The following TTN variants were observed in gnomAD, a reference collection of about 807,000 sequenced individuals.
The protein encoded by TTN is connectin.
TTN carries 1,525 observed loss-of-function variants against 3,223.0 expected under a neutral mutation model. The ratio of observed to expected loss-of-function variants is 0.47; its 90% CI spans 0.45 to 0.49. The LOEUF (loss-of-function observed/expected upper bound fraction) is 0.49, where lower values mean the gene tolerates loss of function less well. Ranked by LOEUF, TTN falls within the 20% of genes least tolerant of loss-of-function variation. TTN has a pLI of 0.00. For synonymous variants in TTN, 14,094 were observed against 15,161.0 expected (o/e 0.93, Z 5.17); for missense variants, 40,786 against 43,424.0 (o/e 0.94, Z 5.40).
chr2:178,648,033 C>T (rs979050597), intron 213 of TTN, among the ~76,000 whole-genome samples: 19 of 152,046 alleles, frequency 1.2e-4, no homozygotes, highest in Non-Finnish European at 2.1e-4. Flanking sequence ...CCATTTCTGC[C>T]GCCACGGATC....
chr2:178,682,347 A>G (rs771249480), intron 135 of TTN, among the ~76,000 whole-genome samples: 2 of 152,004 alleles, frequency 1.3e-5, no homozygotes, highest in Non-Finnish European at 2.9e-5. Context: ...ATGTTCAGAA[A>G]TTTTTAACCA....
chr2:178,642,296 A>C lies in TTN; in HGVS notation c.40499T>G (p.Val13500Gly). 1 of 1,594,050 alleles carries C rather than the reference A, an allele frequency of 6.3e-7. No homozygotes were observed. Among genetic ancestry groups the C allele is most frequent in the South Asian group, 1.1e-5 (1 of 87,510 alleles). The change falls in exon 219 of 363, where the codon GTT (valine) becomes GGT (glycine). Residue 13500 changes from valine (V) to glycine (G), a missense_variant. Physicochemically the swap from Val to Gly is moderately radical, Grantham distance 109. Coordinates refer to ENST00000589042, the MANE Select transcript of TTN (RefSeq NM_001267550.2). Reference protein sequence around the residue: ...PLKVPGGEKKVRKLLPERKPE... With the variant: ...PLKVPGGEKKGRKLLPERKPE... The stretch of plus-strand genomic sequence containing the variant: ...TTTACGTTCCGGAAGTAATTTGCGA[A>C]CTTTCTTTTCACCTCCAGGCACTTA...
Position 178,587,894 on chromosome 2 carries a change from C to T in TTN, c.63508+5G>A. On this transcript the variant is annotated splice_donor_5th_base_variant and intron_variant, in intron 305 of 362. Coordinates refer to ENST00000589042, the MANE Select transcript of TTN (RefSeq NM_001267550.2). ...AATGAATCACATGCTAAGGGAAGGACTTACCTAGTATTTCTTTAGGTTTGA... is the reference window on the plus strand; with the variant it reads ...AATGAATCACATGCTAAGGGAAGGATTTACCTAGTATTTCTTTAGGTTTGA... The T allele has an allele frequency of 6.3e-7, 1 of 1,584,712 alleles. No individual in the cohort carries two copies. Among genetic ancestry groups the T allele is most frequent in the Non-Finnish European group, 8.6e-7 (1 of 1,163,438 alleles).
intron 28 of TTN, 57 bp from the exon 29 acceptor site, chr2:178,775,259 C>G: frequency 6.2e-7 from 1 of 1,612,558 alleles, no homozygotes; most frequent in Non-Finnish European, 8.5e-7. Flanking sequence ...ATTAAATTCT[C>G]AACCTGAGGA....
chr2:178,573,348 G>T lies in TTN; in HGVS notation c.72784C>A (p.Arg24262Ser). Residue 24262 changes from arginine (R) to serine (S), a missense_variant, in exon 326 of 363, where the codon CGT (arginine) becomes AGT (serine). By Grantham distance (110) the Arg-to-Ser change is moderately radical. Transcript: ENST00000589042. Reference sequence around the variant, plus strand: ...ATCCAGCGTTGGCCAGCTTTATCACGCCGTTCCACAATATAATTGATGATT... The same window carrying T: ...ATCCAGCGTTGGCCAGCTTTATCACTCCGTTCCACAATATAATTGATGATT... ...SEIINYIVER[R>S]DKAGQRWIKC... The T allele has an allele frequency of 6.5e-7, 1 of 1,536,368 alleles. No homozygotes were observed. The highest frequency in any genetic ancestry group is 8.8e-7 in the Non-Finnish European group (1 of 1,142,198).
At position 178,681,021 on chromosome 2, in the gene TTN, C is replaced by T. The variant is rs1433454628; in HGVS notation, c.33340+58G>A. 3.7e-6 allele frequency: 5 copies of T among 1,350,202 alleles called. No individual in the cohort carries two copies. In the East Asian group the frequency reaches 9.5e-5, roughly 26 times the overall value. 83.6% of individuals were successfully genotyped at this position (1,350,202 alleles called of 1,614,324 possible). ...AACAAAATGAAATGAATCATAGTTA[C>T]ATTAATTTCAAAAGAGGCATCAGAA... On this transcript the variant is annotated intron_variant, in intron 138 of 362. Transcript: ENST00000589042.
At position 178,571,191 on chromosome 2, in the gene TTN, A is replaced by G; in HGVS notation, c.74941T>C (p.Phe24981Leu). 1 of 1,613,470 alleles carries G rather than the reference A, an allele frequency of 6.2e-7. No homozygotes were observed. The highest frequency in any genetic ancestry group is 8.5e-7 in the Non-Finnish European group (1 of 1,179,610). Reference protein sequence around the residue: ...TGLEEGVEYEFRVSAENIVGI... With the variant: ...TGLEEGVEYELRVSAENIVGI... ...ACGATGTTCTCTGCAGAGACTCTAA[A>G]TTCATATTCAACACCTTCTTCAAGG... The change falls in exon 326 of 363, where the codon TTT (phenylalanine) becomes CTT (leucine). Residue 24981 changes from phenylalanine (F) to leucine (L), a missense_variant. Phe to Leu is a conservative substitution (Grantham distance 22, BLOSUM62 0). Transcript: ENST00000589042.
At position 178,528,412 on chromosome 2, in the gene TTN, T is replaced by G; in HGVS notation, c.107239A>C (p.Asn35747His). ...KNNLPISISS[N>H]VSISRSRNVY... ...TTTCTGGAGCGGCTTATGCTGACATTTGAAGAAATAGAAATCTAAGACAAA... is the reference window on the plus strand; with the variant it reads ...TTTCTGGAGCGGCTTATGCTGACATGTGAAGAAATAGAAATCTAAGACAAA... The change falls in exon 361 of 363, where the codon AAT becomes CAT. Residue 35747 changes from asparagine (N) to histidine (H), a missense_variant. Physicochemically the swap from Asn to His is moderately conservative, Grantham distance 68. Transcript: ENST00000589042. 6.2e-7 allele frequency: 1 copy of G among 1,613,306 alleles called. No individual in the cohort carries two copies. Among genetic ancestry groups the G allele is most frequent in the Non-Finnish European group, 8.5e-7 (1 of 1,179,696 alleles).
chr2:178,617,617 T>G, intron 253 of TTN, 105 bp from the exon 254 acceptor site: 2 of 1,388,906 alleles, frequency 1.4e-6, no homozygotes, highest in Non-Finnish European at 1.9e-6. Context: ...TTTATCAAAT[T>G]CACTAAGTAA....
Position 178,647,542 on chromosome 2 carries a change from A to C in TTN, c.40058-78T>G. The C allele has an allele frequency of 2.2e-6, 3 of 1,359,454 alleles. No homozygotes were observed. In the South Asian group the frequency reaches 3.8e-5, roughly 17 times the overall value. 84.2% of individuals were successfully genotyped at this position (1,359,454 alleles called of 1,614,324 possible). On this transcript the variant is annotated intron_variant, in intron 213 of 362. Transcript: ENST00000589042. ...TGTCTAAAGAGCAGGCAAAGAATGC[A>C]GGGGCAAGAGCTTCATCTTAGATTT... is the stretch of plus-strand genomic sequence containing the variant.
At position 178,591,733 on chromosome 2, in the gene TTN, G is replaced by A; in HGVS notation, c.60086C>T (p.Thr20029Ile). 1 of 1,613,300 alleles carries A rather than the reference G, an allele frequency of 6.2e-7. No homozygotes were observed. Among genetic ancestry groups the A allele is most frequent in the Non-Finnish European group, 8.5e-7 (1 of 1,179,546 alleles). Residue 20029 changes from threonine to isoleucine, a missense_variant, in exon 303 of 363, where the codon ACT (threonine) becomes ATT (isoleucine). Thr to Ile is a moderately conservative substitution (Grantham distance 89). Transcript: ENST00000589042. Reference protein sequence around the residue: ...EGTQDWIKFKTVTNLECVVTG... With the variant: ...EGTQDWIKFKIVTNLECVVTG... ...AACCACACACTCTAAGTTTGTCACA[G>A]TCTTAAATTTAATCCAGTCCTGGGT...
intron 253 of TTN, 56 bp from the exon 254 acceptor site, chr2:178,617,568 A>T (rs2057577042): frequency 1.3e-6 from 2 of 1,495,882 alleles, no homozygotes; most frequent in African/African-American, 2.9e-5. Context: ...AATTTATGAA[A>T]ACAGTGTTGT....
rs1278282821 is a variant in TTN, at chr2:178,741,295, T to A, written c.11938A>T (p.Thr3980Ser). 1.9e-6 allele frequency: 3 copies of A among 1,613,786 alleles called. No individual in the cohort carries two copies. The African/African-American group carries it at 4.0e-5, about 22-fold the overall frequency. ...TGAATGATAGTGTAATAAACACTGG[T>A]GCAAAGCTGCTTGTTTTCTTTGAAC... Reference protein sequence around the residue: ...TWFKENKQLCTSVYYTIIHNP... With the variant: ...TWFKENKQLCSSVYYTIIHNP... The change falls in exon 48 of 363, where the codon ACC (threonine) becomes TCC (serine). Residue 3980 changes from threonine to serine, a missense_variant. By Grantham distance (58) the Thr-to-Ser change is moderately conservative. Coordinates refer to ENST00000589042, the MANE Select transcript of TTN (RefSeq NM_001267550.2).
Position 178,560,420 on chromosome 2 carries a change from C to G in TTN, c.85712G>C (p.Trp28571Ser). The G allele has an allele frequency of 6.2e-7, 1 of 1,613,626 alleles. No individual in the cohort carries two copies. Among genetic ancestry groups the G allele is most frequent in the East Asian group, 2.2e-5 (1 of 44,814 alleles). ...SVTKESMTLCWSRPESDGGSE... is the reference protein window; with the variant it reads ...SVTKESMTLCSSRPESDGGSE... ...ACCTCCATCACTCTCGGGTCTTGAC[C>G]AGCAAAGTGTCATAGATTCTTTGGT... The change falls in exon 326 of 363, where the codon TGG becomes TCG. Residue 28571 changes from tryptophan to serine, a missense_variant. Trp to Ser is a radical substitution (Grantham distance 177). Coordinates refer to ENST00000589042, the MANE Select transcript of TTN (RefSeq NM_001267550.2).
chr2:178,681,507 G>A (rs2069384504), intron 136 of TTN, 57 bp from the exon 137 acceptor site: 1 of 1,523,130 alleles, frequency 6.6e-7, no homozygotes, highest in Non-Finnish European at 8.9e-7. Context: ...CTCAAGGCTA[G>A]CAAGAACAAA....
Position 178,730,188 on chromosome 2 carries a change from A to C in TTN, c.18212T>G (p.Leu6071Arg). 6.2e-7 allele frequency: 1 copy of C among 1,613,442 alleles called. No individual in the cohort carries two copies. Among genetic ancestry groups the C allele is most frequent in the Non-Finnish European group, 8.5e-7 (1 of 1,179,676 alleles). Residue 6071 changes from leucine to arginine, a missense_variant, in exon 62 of 363, where the codon CTC (leucine) becomes CGC (arginine). Transcript: ENST00000589042. ...WKDDTSTSLELFAAKATDSGT... is the reference protein window; with the variant it reads ...WKDDTSTSLERFAAKATDSGT... ...AGAATCGGTAGCTTTGGCTGCAAAG[A>C]GCTCTAGACTGGTAGAGGTGTCATC... is the stretch of plus-strand genomic sequence containing the variant.
At chr2:178,681,634 C>A in intron 136 of TTN, 27 bp downstream of exon 136, 1 of 1,590,334 alleles carries the variant, frequency 6.3e-7, no homozygotes, top group Non-Finnish European at 8.6e-7. Flanking sequence ...AGATCTCTTA[C>A]AGGTAATAAT....
chr2:178,540,157 TCTG>T lies in TTN; in HGVS notation c.98006_98008del (p.Ala32669del), dbSNP rs1419153988. The T allele has an allele frequency of 6.2e-7, 1 of 1,613,692 alleles. No individual in the cohort carries two copies. The highest frequency in any genetic ancestry group is 1.3e-5 in the African/African-American group (1 of 74,902). On this transcript the variant is annotated inframe_deletion, in exon 351 of 363. Coordinates refer to ENST00000589042, the MANE Select transcript of TTN (RefSeq NM_001267550.2). Reference sequence around the variant, plus strand: ...ACAAGCTAGGACGCGGAACCTGTATTCTGCACCCTGAGGTAGGTGTGTTAGAGT... The same window carrying T: ...ACAAGCTAGGACGCGGAACCTGTATTCACCCTGAGGTAGGTGTGTTAGAGT...
At chr2:178,804,432 T>G (rs1316154730) in intron 2 of TTN, 120 bp downstream of exon 2, 1 of 896,608 alleles carries the variant, frequency 1.1e-6, no homozygotes, top group Non-Finnish European at 1.8e-6. Context: ...TCCATAGTGT[T>G]GGACTAATTT....
Sources: gnomAD v4.1 joint callset for allele counts (sites outside exome capture counted in the v4.1 genomes callset) on GRCh38, gnomAD v4.1.1 for gene constraint, MANE v1.5 for transcripts, NCBI Gene and HGNC (gene_info 2026-07-23, HGNC 2026-07-21) for gene names.